KCTD16: variants seen among roughly 807,000 people sequenced by gnomAD.
The protein encoded by KCTD16 is potassium channel tetramerization domain containing 16, also known as BTB/POZ domain-containing protein KCTD16.
A neutral mutation model predicts 33.2 loss-of-function variants in KCTD16; 13 were observed. The observed-to-expected ratio is 0.39, with a 90% CI of 0.25 to 0.62. The LOEUF (loss-of-function observed/expected upper bound fraction) is 0.62. Ranked by LOEUF, KCTD16 falls within the 20% of genes least tolerant of loss-of-function variation. KCTD16 has a pLI of 0.50. For synonymous variants in KCTD16, 197 were observed against 195.3 expected, an observed-to-expected ratio of 1.01 and a Z score of -0.07; for missense variants, 441 against 525.1, an observed-to-expected ratio of 0.84 and a Z score of 1.57.
intron 3 of KCTD16, among the ~76,000 whole-genome samples, chr5:144,289,324 G>A (rs909272532): frequency 2.0e-5 from 3 of 152,142 alleles, no homozygotes; most frequent in African/African-American, 7.2e-5. Flanking sequence ...CAAATTGCAG[G>A]GATCAGCTCA....
At chr5:144,259,603 A>G (rs1275510492) in intron 3 of KCTD16, among the ~76,000 whole-genome samples, 4 of 152,158 alleles carry the variant, frequency 2.6e-5, no homozygotes, top group Non-Finnish European at 5.9e-5. Context: ...ATTTGTTTGG[A>G]TTCATCCTTT....
chr5:144,185,508 T>G (rs114349534), intron 2 of KCTD16, among the ~76,000 whole-genome samples: 1 of 152,116 alleles, frequency 6.6e-6, no homozygotes. Context: ...TTGAGCTTCA[T>G]GTCCATTGCT....
chr5:144,295,374 A>G (rs1416690028), intron 3 of KCTD16, among the ~76,000 whole-genome samples: 1 of 152,230 alleles, frequency 6.6e-6, no homozygotes, highest in African/African-American at 2.4e-5. Flanking sequence ...TAATGAATTA[A>G]GAGTTTTCCC....
At chr5:144,237,110 C>A (rs533373481) in intron 3 of KCTD16, among the ~76,000 whole-genome samples, 1 of 152,004 alleles carries the variant, frequency 6.6e-6, no homozygotes, top group Non-Finnish European at 1.5e-5. Flanking sequence ...GTTCTAGGTT[C>A]TTGGGCATTC....
At chr5:144,438,416 G>GC (rs1451769430) in intron 3 of KCTD16, among the ~76,000 whole-genome samples, 1 of 152,206 alleles carries the variant, frequency 6.6e-6, no homozygotes, top group Non-Finnish European at 1.5e-5. Context: ...CTCTGTATGA[G>GC]CATACGTGTT....
At chr5:144,274,626 T>A (rs531250486) in intron 3 of KCTD16, among the ~76,000 whole-genome samples, 137 of 152,316 alleles carry the variant, frequency 9.0e-4, no homozygotes, top group African/African-American at 3.1e-3. Flanking sequence ...GGACTCTACC[T>A]GTGTCTGAAT....
chr5:144,419,251 T>C (rs1753155343), intron 3 of KCTD16, among the ~76,000 whole-genome samples: 1 of 152,196 alleles, frequency 6.6e-6, no homozygotes, highest in Non-Finnish European at 1.5e-5. Flanking sequence ...GACTGCCTTT[T>C]CAGTCCTGAA....
At chr5:144,372,140 G>A (rs1296742333) in intron 3 of KCTD16, among the ~76,000 whole-genome samples, 2 of 151,386 alleles carry the variant, frequency 1.3e-5, no homozygotes, top group African/African-American at 4.9e-5. Context: ...GAGTTAGACT[G>A]TTTCAGTTTA....
At chr5:144,181,343 A>G (rs1178566187) in intron 2 of KCTD16, among the ~76,000 whole-genome samples, 1 of 152,240 alleles carries the variant, frequency 6.6e-6, no homozygotes, top group African/African-American at 2.4e-5. Context: ...AAAACAAAGA[A>G]TAGTGAACGT....
intron 3 of KCTD16, among the ~76,000 whole-genome samples, chr5:144,466,918 C>T (rs1195163618): frequency 1.4e-5 from 2 of 143,630 alleles, no homozygotes; most frequent in African/African-American, 5.1e-5. Context: ...AGAATTTCAG[C>T]AAGTTTCTGG....
At chr5:144,196,041 T>C (rs1470755086) in intron 2 of KCTD16, among the ~76,000 whole-genome samples, 1 of 152,190 alleles carries the variant, frequency 6.6e-6, no homozygotes, top group Non-Finnish European at 1.5e-5. Flanking sequence ...TATTACATTC[T>C]CTACAAAGCC....
chr5:144,390,480 T>G (rs1005873292), intron 3 of KCTD16, among the ~76,000 whole-genome samples: 1 of 152,114 alleles, frequency 6.6e-6, no homozygotes, highest in Non-Finnish European at 1.5e-5. Context: ...GTCATTAAAC[T>G]GAGCTGTTCA....
chr5:144,210,437 C>T (rs556313637), intron 3 of KCTD16, among the ~76,000 whole-genome samples: 6 of 152,194 alleles, frequency 3.9e-5, no homozygotes, highest in Non-Finnish European at 7.4e-5. Context: ...AGAAAAGAAA[C>T]GTCTACCCTA....
intron 3 of KCTD16, among the ~76,000 whole-genome samples, chr5:144,366,732 A>T (rs1198266108): frequency 6.6e-6 from 1 of 152,174 alleles, no homozygotes; most frequent in African/African-American, 2.4e-5. Flanking sequence ...ATGCAAACCA[A>T]GATCAGCCAT....
At chr5:144,450,581 T>C (rs992628347) in intron 3 of KCTD16, among the ~76,000 whole-genome samples, 1 of 151,942 alleles carries the variant, frequency 6.6e-6, no homozygotes, top group Non-Finnish European at 1.5e-5. Context: ...ATAAAGAAAA[T>C]GTGGCATATA....
rs991036872 is a variant in KCTD16, at chr5:144,474,145, A to G, written c.*31A>G. The G allele has an allele frequency of 1.3e-6, 2 of 1,519,862 alleles. No individual in the cohort carries two copies. The highest frequency in any genetic ancestry group is 2.3e-5 in the East Asian group (1 of 44,198). 94.1% of individuals were successfully genotyped at this position (1,519,862 alleles called of 1,614,324 possible). A position where few individuals can be genotyped will look rare whatever the true frequency, so the allele number is the denominator to read the frequency against. On this transcript the variant is annotated 3_prime_UTR_variant, in exon 4 of 4. Coordinates refer to ENST00000512467, the MANE Select transcript of KCTD16 (RefSeq NM_020768.4). ...GGCTGGGGGCGGGAAAAGAAAAAAA[A>G]AAGTCATTTTGAAATTAACCTCCTA... is the stretch of plus-strand genomic sequence containing the variant.
At chr5:144,223,490 C>T (rs1053351382) in intron 3 of KCTD16, among the ~76,000 whole-genome samples, 1 of 152,098 alleles carries the variant, frequency 6.6e-6, no homozygotes, top group African/African-American at 2.4e-5. Flanking sequence ...CAGTATCATA[C>T]ATCCAAGATA....
chr5:144,188,717 T>G (rs960703155), intron 2 of KCTD16, among the ~76,000 whole-genome samples: 1 of 152,128 alleles, frequency 6.6e-6, no homozygotes, highest in Non-Finnish European at 1.5e-5. Context: ...GATAAATAAC[T>G]TGAGTTATGA....
intron 3 of KCTD16, among the ~76,000 whole-genome samples, chr5:144,446,620 A>C (rs1046914133): frequency 3.3e-5 from 5 of 152,172 alleles, no homozygotes; most frequent in African/African-American, 1.2e-4. Context: ...TGAACAGGCA[A>C]CCTACAGAAT....
Sources: gnomAD v4.1 joint callset for allele counts (sites outside exome capture counted in the v4.1 genomes callset) on GRCh38, gnomAD v4.1.1 for gene constraint, MANE v1.5 for transcripts, NCBI Gene and HGNC (gene_info 2026-07-23, HGNC 2026-07-21) for gene names.